Variants in CSMD1 observed in about 807,000 individuals in gnomAD.
CSMD1 encodes the protein CUB and Sushi multiple domains 1, also known as CUB and sushi domain-containing protein 1.
Under a neutral mutation model 417.5 loss-of-function variants are expected in CSMD1, and 213 were observed. That is an observed-to-expected ratio of 0.51 (90% CI 0.46 to 0.57). The LOEUF is 0.57. CSMD1 is among the 20% of genes least tolerant of loss of function. CSMD1 has a pLI of 0.00. For missense variants in CSMD1, 6,923 were observed against 4,529.7 expected (o/e 1.53, Z -15.17); for synonymous variants, 2,862 against 1,736.8 (o/e 1.65, Z -16.11).
chr8:4,041,611 C>T (rs1435330814), intron 3 of CSMD1, among the ~76,000 whole-genome samples: 4 of 151,812 alleles, frequency 2.6e-5, no homozygotes, highest in Non-Finnish European at 4.4e-5. Flanking sequence ...GTAATAAGCA[C>T]GCAAAAAAGT....
chr8:3,838,461 G>A lies in CSMD1; in HGVS notation c.819-84419C>T, dbSNP rs1002718387. ...AAGAGTATAGACTATACATATATAG[G>A]CTATATTATATTATATATAGCCTAT... On this transcript the variant is annotated intron_variant, in intron 5 of 69. Transcript: ENST00000635120. 4.2e-5 allele frequency among the ~76,000 whole-genome samples: 6 copies of A among 144,022 alleles called. No homozygotes were observed. In the South Asian group the frequency reaches 1.1e-3, roughly 26 times the overall value. The allele number at this position is 144,022 out of a possible 152,430, so 94.5% of individuals were successfully genotyped here. A position where few individuals can be genotyped will look rare whatever the true frequency, so the allele number is the denominator to read the frequency against.
At chr8:4,755,946 G>C (rs1010546929) in intron 1 of CSMD1, among the ~76,000 whole-genome samples, 2 of 152,084 alleles carry the variant, frequency 1.3e-5, no homozygotes, top group African/African-American at 4.8e-5. Context: ...TAAAACACTG[G>C]TTTCATTGTA....
chr8:3,980,366 C>G (rs1372987920), intron 5 of CSMD1, among the ~76,000 whole-genome samples: 2 of 142,154 alleles, frequency 1.4e-5, no homozygotes, highest in Non-Finnish European at 3.1e-5. Context: ...AGCTTTAACG[C>G]GGTATTTTAA....
At chr8:4,601,789 G>C (rs189495344) in intron 2 of CSMD1, among the ~76,000 whole-genome samples, 2 of 152,162 alleles carry the variant, frequency 1.3e-5, no homozygotes, top group African/African-American at 4.8e-5. Flanking sequence ...AATGAAAAGT[G>C]AGTAAACTTG....
At chr8:3,289,471 A>G (rs546725626) in intron 25 of CSMD1, among the ~76,000 whole-genome samples, 1 of 147,512 alleles carries the variant, frequency 6.8e-6, no homozygotes, top group South Asian at 2.1e-4. Context: ...ATTTCTCCAT[A>G]TCCTCTCCAG....
At chr8:4,227,000 A>G (rs889826866) in intron 3 of CSMD1, among the ~76,000 whole-genome samples, 2 of 152,192 alleles carry the variant, frequency 1.3e-5, no homozygotes, top group African/African-American at 4.8e-5. Flanking sequence ...TAAAGGGGGT[A>G]AATCCCGTCA....
chr8:4,107,294 C>T (rs1470844287), intron 3 of CSMD1, among the ~76,000 whole-genome samples: 1 of 152,188 alleles, frequency 6.6e-6, no homozygotes, highest in Non-Finnish European at 1.5e-5. Flanking sequence ...CGCTGCACTG[C>T]CTCATTTAGA....
At chr8:4,107,783 T>C (rs1801643624) in intron 3 of CSMD1, among the ~76,000 whole-genome samples, 1 of 152,222 alleles carries the variant, frequency 6.6e-6, no homozygotes, top group Non-Finnish European at 1.5e-5. Flanking sequence ...TGTCACCACC[T>C]GCTGTTAATA....
intron 26 of CSMD1, among the ~76,000 whole-genome samples, chr8:3,259,669 C>A (rs922705736): frequency 6.6e-5 from 10 of 152,128 alleles, no homozygotes; most frequent in Non-Finnish European, 1.0e-4. Context: ...GGAGTTTCTA[C>A]CCCATCCTGA....
intron 1 of CSMD1, among the ~76,000 whole-genome samples, chr8:4,942,358 C>A (rs145394628): frequency 6.6e-6 from 1 of 152,210 alleles, no homozygotes; most frequent in African/African-American, 2.4e-5. Flanking sequence ...TCTCGGTACC[C>A]TTGTAGTTTG....
At chr8:3,189,137 C>G (rs545389551) in intron 34 of CSMD1, 126 bp from the exon 35 acceptor site, 2 of 830,276 alleles carry the variant, frequency 2.4e-6, no homozygotes, top group Non-Finnish European at 1.8e-6. Flanking sequence ...ATACGTTAAA[C>G]GGCACTTTTA....
intron 10 of CSMD1, among the ~76,000 whole-genome samples, chr8:3,554,286 T>G (rs115179138): frequency 0.015 from 2,258 of 152,346 alleles, 65 homozygotes; most frequent in African/African-American, 0.052. Flanking sequence ...AGGGAATATC[T>G]TAAATGGGTC....
intron 8 of CSMD1, among the ~76,000 whole-genome samples, chr8:3,608,614 A>T (rs1801736788): frequency 6.6e-6 from 1 of 151,846 alleles, no homozygotes; most frequent in African/African-American, 2.4e-5. Flanking sequence ...ATGCAAAAAA[A>T]TTAGCCGGGC....
chr8:3,441,735 T>C (rs558193642), intron 12 of CSMD1, among the ~76,000 whole-genome samples: 1 of 152,252 alleles, frequency 6.6e-6, no homozygotes, highest in South Asian at 2.1e-4. Context: ...GCAGTGCAAC[T>C]GTACACAGCA....
intron 65 of CSMD1, among the ~76,000 whole-genome samples, chr8:2,952,536 C>T (rs1802706593): frequency 6.6e-6 from 1 of 152,176 alleles, no homozygotes; most frequent in African/African-American, 2.4e-5. Flanking sequence ...TATATCCACA[C>T]AAGTATCTAA....
intron 25 of CSMD1, among the ~76,000 whole-genome samples, chr8:3,289,019 TC>T (rs201983170): frequency 0.15 from 21,578 of 146,104 alleles, 3,200 homozygotes; most frequent in African/African-American, 0.25. Flanking sequence ...ATGTTCCCCT[TC>T]CTGTGTCCGT....
chr8:4,097,243 A>G (rs1442869753), intron 3 of CSMD1, among the ~76,000 whole-genome samples: 2 of 152,212 alleles, frequency 1.3e-5, no homozygotes, highest in African/African-American at 4.8e-5. Flanking sequence ...TTTGTAGTAC[A>G]AAGAACTGGA....
chr8:3,772,972 T>C (rs975025857), intron 5 of CSMD1, among the ~76,000 whole-genome samples: 1 of 152,042 alleles, frequency 6.6e-6, no homozygotes, highest in African/African-American at 2.4e-5. Context: ...TGCCAGTGGA[T>C]CCCACTTCTG....
In CSMD1 at chr8:3,871,589, G is replaced by A. The variant is rs74737586; in HGVS notation, c.819-117547C>T. 7.9e-3 allele frequency among the ~76,000 whole-genome samples: 1,194 copies of A among 151,996 alleles called. 10 individuals carry two copies. The highest frequency in any genetic ancestry group is 0.011 in the Non-Finnish European group (730 of 67,984). On this transcript the variant is annotated intron_variant, in intron 5 of 69. Coordinates refer to ENST00000635120, the MANE Select transcript of CSMD1 (RefSeq NM_033225.6). ...ATTGATTCATAATTTTTATATATTA[G>A]GAATATTAGTCTTCAAATTCAGATT...
Sources: gnomAD v4.1 joint callset for allele counts (sites outside exome capture counted in the v4.1 genomes callset) on GRCh38, gnomAD v4.1.1 for gene constraint, MANE v1.5 for transcripts, NCBI Gene and HGNC (gene_info 2026-07-23, HGNC 2026-07-21) for gene names.